The following MAP1B variants were observed in gnomAD, a reference collection of about 807,000 sequenced individuals.
MAP1B encodes the protein microtubule associated protein 1B.
Under a neutral mutation model 176.1 loss-of-function variants are expected in MAP1B, and 12 were observed. That is an observed-to-expected ratio of 0.07 (90% CI 0.04 to 0.11). The LOEUF is 0.11. Ranked by LOEUF, MAP1B falls within the 10% of genes least tolerant of loss-of-function variation. The pLI is 1.00. For synonymous variants in MAP1B, 1,044 were observed against 1,135.0 expected (o/e 0.92, Z 1.61); for missense variants, 2,523 against 2,990.5 (o/e 0.84, Z 3.65).
At chr5:72,165,032 A>G (rs548581524) in intron 2 of MAP1B, among the ~76,000 whole-genome samples, 16 of 152,172 alleles carry the variant, frequency 1.1e-4, no homozygotes, top group African/African-American at 3.6e-4. Context: ...TTGCTATTTT[A>G]ATACCATGAG....
intron 2 of MAP1B, among the ~76,000 whole-genome samples, chr5:72,118,729 T>C (rs1745474452): frequency 6.6e-6 from 1 of 152,206 alleles, no homozygotes; most frequent in African/African-American, 2.4e-5. Flanking sequence ...ATTATAGGCA[T>C]GAGCCACCAT....
At chr5:72,189,089 G>T (rs1746971205) in intron 4 of MAP1B, among the ~76,000 whole-genome samples, 1 of 152,084 alleles carries the variant, frequency 6.6e-6, no homozygotes, top group South Asian at 2.1e-4. Flanking sequence ...TAACTCCAGG[G>T]AAACCAAAAC....
rs570357165 is a variant in MAP1B at position 72,179,640 on chromosome 5, G to A, written c.287-4103G>A. On this transcript the variant is annotated intron_variant, in intron 2 of 6. Coordinates refer to ENST00000296755, the MANE Select transcript of MAP1B (RefSeq NM_005909.5). The stretch of plus-strand genomic sequence containing the variant: ...GCCAGGCTTGGCCAGATGCTGGGGC[G>A]GCCCAGCCCCAGGTTACGTCGTCCC... 297 of 985,468 alleles carry A rather than the reference G, an allele frequency of 3.0e-4. No homozygotes were observed. The African/African-American group carries it at 4.7e-3, about 15-fold the overall frequency. 61.0% of individuals were successfully genotyped at this position (985,468 alleles called of 1,614,324 possible). A position where few individuals can be genotyped will look rare whatever the true frequency, so the allele number is the denominator to read the frequency against.
At chr5:72,176,025 A>C (rs777021349) in intron 2 of MAP1B, among the ~76,000 whole-genome samples, 1 of 152,282 alleles carries the variant, frequency 6.6e-6, no homozygotes, top group African/African-American at 2.4e-5. Flanking sequence ...GAACATTTTC[A>C]GAGATGAAAC....
At chr5:72,143,521 T>C (rs566610376) in intron 2 of MAP1B, among the ~76,000 whole-genome samples, 2 of 152,356 alleles carry the variant, frequency 1.3e-5, no homozygotes, top group Admixed American at 1.3e-4. Context: ...TTAATTCATA[T>C]GTCTTTTAAA....
rs768594223 is a variant in MAP1B, at chr5:72,199,487, T to C, written c.6132T>C (p.Thr2044=). The C allele has an allele frequency of 3.1e-6, 5 of 1,614,022 alleles. No individual in the cohort carries two copies. Among genetic ancestry groups the C allele is most frequent in the Admixed American group, 1.7e-5 (1 of 60,000 alleles). The change falls in exon 5 of 7, where the codon ACT becomes ACC. Residue 2044 remains threonine, a synonymous_variant. Coordinates refer to ENST00000296755, the MANE Select transcript of MAP1B (RefSeq NM_005909.5). This position sits in a 1 kb window ranked among gnomAD's most constrained non-coding sequence, Gnocchi z 4.2. The stretch of plus-strand genomic sequence containing the variant: ...ATACTTCCACATACTGTTACGAGAC[T>C]GCAGAGAAAATCACTAGAACCCCTC... The part of the protein sequence containing the change: ...TPDTSTYCYE[T]AEKITRTPQA...
chr5:72,134,980 G>A (rs1745810620), intron 2 of MAP1B, among the ~76,000 whole-genome samples: 1 of 150,388 alleles, frequency 6.6e-6, no homozygotes, highest in Non-Finnish European at 1.5e-5. Flanking sequence ...TCAGGAGCGA[G>A]GTGGAATCCT....
At chr5:72,201,488 A>G (rs1747334230) in intron 5 of MAP1B, among the ~76,000 whole-genome samples, 1 of 152,254 alleles carries the variant, frequency 6.6e-6, no homozygotes, top group South Asian at 2.1e-4. Context: ...GGTTCTCAGC[A>G]ATGACCTGGG....
At chr5:72,176,800 C>A (rs1041355882) in intron 2 of MAP1B, among the ~76,000 whole-genome samples, 3 of 152,146 alleles carry the variant, frequency 2.0e-5, no homozygotes, top group African/African-American at 7.2e-5. Context: ...GTTCATGTTC[C>A]CTGTTGCCTC....
chr5:72,180,668 G>A (rs1026049267), intron 2 of MAP1B, among the ~76,000 whole-genome samples: 5 of 152,122 alleles, frequency 3.3e-5, no homozygotes, highest in Non-Finnish European at 7.4e-5. Context: ...GTGGGACTTT[G>A]TTCTGTTTTG....
At chr5:72,144,745 C>T (rs1290808501) in intron 2 of MAP1B, among the ~76,000 whole-genome samples, 1 of 152,142 alleles carries the variant, frequency 6.6e-6, no homozygotes, top group Non-Finnish European at 1.5e-5. Flanking sequence ...ACTTCTGACA[C>T]ATGAAGTGTT....
In MAP1B at chr5:72,130,838, G is replaced by A. The variant is rs150956830; in HGVS notation, c.286+15039G>A. 5.3e-5 allele frequency among the ~76,000 whole-genome samples: 8 copies of A among 152,186 alleles called. No individual in the cohort carries two copies. The East Asian group carries it at 1.5e-3, about 29-fold the overall frequency. On this transcript the variant is annotated intron_variant, in intron 2 of 6. Coordinates refer to ENST00000296755, the MANE Select transcript of MAP1B (RefSeq NM_005909.5). ...TTTATGTTAATATTCTCTCATACAA[G>A]TGAAAAAAGTCATTCAAATAATGTT...
Position 72,195,494 on chromosome 5 carries a change from T to TAAGAAGGAAGAGAAGAAGGAAGTG in MAP1B, c.2142_2165dup (p.Lys719_Lys726dup). On this transcript the variant is annotated inframe_insertion, in exon 5 of 7. Coordinates refer to ENST00000296755, the MANE Select transcript of MAP1B (RefSeq NM_005909.5). ...CGCCAAAGGAAGTCAAGAAGGAAGT[T>TAAGAAGGAAGAGAAGAAGGAAGTG]AAGAAGGAAGAGAAGAAGGAAGTGA... The TAAGAAGGAAGAGAAGAAGGAAGTG allele has an allele frequency of 6.3e-7, 1 of 1,585,862 alleles. No individual in the cohort carries two copies.
At chr5:72,140,729 G>C (rs1745932628) in intron 2 of MAP1B, among the ~76,000 whole-genome samples, 1 of 152,194 alleles carries the variant, frequency 6.6e-6, no homozygotes, top group African/African-American at 2.4e-5. Context: ...AGGTAAAACT[G>C]TGATTATCGA....
At chr5:72,151,502 G>GT (rs1746140275) in intron 2 of MAP1B, among the ~76,000 whole-genome samples, 1 of 152,172 alleles carries the variant, frequency 6.6e-6, no homozygotes, top group South Asian at 2.1e-4. Flanking sequence ...CCTCAACTAT[G>GT]TAAAAAAATG....
At chr5:72,139,774 A>C (rs1412813829) in intron 2 of MAP1B, among the ~76,000 whole-genome samples, 1 of 152,210 alleles carries the variant, frequency 6.6e-6, no homozygotes, top group East Asian at 1.9e-4. Flanking sequence ...TAAAAATCTA[A>C]GTTTGAAATT....
At chr5:72,129,692 C>A (rs946354498) in intron 2 of MAP1B, among the ~76,000 whole-genome samples, 4 of 152,146 alleles carry the variant, frequency 2.6e-5, no homozygotes, top group African/African-American at 9.7e-5. Flanking sequence ...CTATTTCCCA[C>A]TTGTTTTTCT....
Position 72,195,027 on chromosome 5 carries a change from C to G in MAP1B, c.1672C>G (p.Arg558Gly). The change falls in exon 5 of 7, where the codon CGC becomes GGC. Residue 558 changes from arginine (R) to glycine (G), a missense_variant. Physicochemically the swap from Arg to Gly is moderately radical, Grantham distance 125 (BLOSUM62 -2). This residue lies in a region of MAP1B where 1,925 missense variants were observed against 2,126.0 expected (regional missense o/e 0.91). Coordinates refer to ENST00000296755, the MANE Select transcript of MAP1B (RefSeq NM_005909.5). ...AAKPLPSKSV[R>G]KESKEETPEV... ...AAAACCACTTCCTAGCAAATCCGTG[C>G]GCAAGGAGTCAAAAGAAGAAACCCC... is the stretch of plus-strand genomic sequence containing the variant. 6.2e-7 allele frequency: 1 copy of G among 1,613,898 alleles called. No individual in the cohort carries two copies.
rs1747509709 is a variant in MAP1B, at chr5:72,208,860, C to G, written c.*3621C>G. 6.6e-6 allele frequency: 1 copy of G among 152,066 alleles called. No homozygotes were observed. The allele number at this position is 152,066 out of a possible 1,614,324, so 9.4% of individuals were successfully genotyped here. A position where few individuals can be genotyped will look rare whatever the true frequency, so the allele number is the denominator to read the frequency against. Reference sequence around the variant, plus strand: ...AGTCACCTGTCACAGGAGGTTCCTGCTCAGTAATGATATTGTGAGTTAGGA... The same window carrying G: ...AGTCACCTGTCACAGGAGGTTCCTGGTCAGTAATGATATTGTGAGTTAGGA... On this transcript the variant is annotated 3_prime_UTR_variant, in exon 7 of 7. Coordinates refer to ENST00000296755, the MANE Select transcript of MAP1B (RefSeq NM_005909.5).
Sources: allele counts gnomAD v4.1 joint callset (sites outside exome capture counted in the v4.1 genomes callset), GRCh38; gene constraint gnomAD v4.1.1; regional missense constraint gnomAD v4.1.1; non-coding constraint Gnocchi (gnomAD v3.1); transcripts MANE v1.5; gene names NCBI Gene and HGNC (gene_info 2026-07-23, HGNC 2026-07-21).